The following ADD3 variants were observed in gnomAD, a reference collection of about 807,000 sequenced individuals.
The protein encoded by ADD3 is gamma-adducin.
ADD3 carries 25 observed loss-of-function variants against 80.2 expected under a neutral mutation model. The observed-to-expected ratio is 0.31, with a 90% CI of 0.23 to 0.44. The LOEUF is 0.44. Ranked by LOEUF, ADD3 falls within the 20% of genes least tolerant of loss-of-function variation. The probability of loss-of-function intolerance (pLI) is 1.00; values close to 1 mark genes in which losing one functional copy is unlikely to be tolerated. For missense variants in ADD3, 829 were observed against 847.5 expected, an observed-to-expected ratio of 0.98 and a Z score of 0.27; for synonymous variants, 284 against 289.6, an observed-to-expected ratio of 0.98 and a Z score of 0.20.
At chr10:110,050,893 T>TG (rs1857443896) in intron 1 of ADD3, among the ~76,000 whole-genome samples, 1 of 152,182 alleles carries the variant, frequency 6.6e-6, no homozygotes, top group South Asian at 2.1e-4. Context: ...TGCTCTCAAA[T>TG]GTGTTTGGAT....
intron 1 of ADD3, among the ~76,000 whole-genome samples, chr10:110,033,427 ATTGT>A (rs780462516): frequency 7.2e-5 from 11 of 152,320 alleles, no homozygotes; most frequent in South Asian, 2.1e-4. Context: ...TCGCCATACA[ATTGT>A]TTGGTTCTCA....
At chr10:110,016,853 AG>A (rs1853060749) in intron 1 of ADD3, among the ~76,000 whole-genome samples, 2 of 152,188 alleles carry the variant, frequency 1.3e-5, no homozygotes, top group Non-Finnish European at 2.9e-5. Flanking sequence ...TAGTAGAACT[AG>A]TTACAGGTCA....
intron 1 of ADD3, among the ~76,000 whole-genome samples, chr10:110,042,507 CA>C (rs900393739): frequency 6.6e-6 from 1 of 151,306 alleles, no homozygotes; most frequent in African/African-American, 2.4e-5. Context: ...ATCTTTTTAC[CA>C]AAAAAACAAC....
chr10:110,117,061 C>T (rs1299407440), intron 4 of ADD3, among the ~76,000 whole-genome samples: 3 of 152,090 alleles, frequency 2.0e-5, no homozygotes, highest in African/African-American at 4.8e-5. Context: ...ATAATATTAG[C>T]ATTTATTTTT....
chr10:110,062,502 C>G (rs1038709630), intron 1 of ADD3, among the ~76,000 whole-genome samples: 1 of 151,922 alleles, frequency 6.6e-6, no homozygotes, highest in Admixed American at 6.6e-5. Context: ...ATTGCTTGAG[C>G]CCAGGAGGTC....
At chr10:110,003,296 A>C (rs914006052), upstream of ADD3, among the ~76,000 whole-genome samples, 35 of 96,508 alleles carry the variant, frequency 3.6e-4, no homozygotes, top group East Asian at 4.2e-4. Flanking sequence ...AATTGGGAAC[A>C]GTAAGGGTGT....
chr10:110,021,267 T>C (rs1207760736), intron 1 of ADD3, among the ~76,000 whole-genome samples: 1 of 152,224 alleles, frequency 6.6e-6, no homozygotes, highest in East Asian at 1.9e-4. Flanking sequence ...ATAAAAATAG[T>C]GTTGTTACTG....
chr10:110,012,211 A>G (rs1194468204), intron 1 of ADD3, among the ~76,000 whole-genome samples: 1 of 152,206 alleles, frequency 6.6e-6, no homozygotes, highest in Non-Finnish European at 1.5e-5. Context: ...GCATAGAGTA[A>G]TACCTTTATG....
chr10:110,072,345 G>T (rs185649469), intron 1 of ADD3, among the ~76,000 whole-genome samples: 1 of 152,172 alleles, frequency 6.6e-6, no homozygotes, highest in Admixed American at 6.5e-5. Context: ...GATTACAGGC[G>T]TGAGCCACTG....
intron 1 of ADD3, among the ~76,000 whole-genome samples, chr10:110,053,817 G>A (rs1857807874): frequency 6.6e-6 from 1 of 152,156 alleles, no homozygotes; most frequent in Non-Finnish European, 1.5e-5. Flanking sequence ...TTTATGGAAG[G>A]CAATTTGTCA....
chr10:110,005,494 G>C (rs1851589133), upstream of ADD3, among the ~76,000 whole-genome samples: 2 of 152,084 alleles, frequency 1.3e-5, no homozygotes, highest in Admixed American at 6.5e-5. Context: ...TCACATAAAC[G>C]AGTTTTAATT....
chr10:110,086,044 G>T (rs1479583837), intron 1 of ADD3, among the ~76,000 whole-genome samples: 3 of 152,134 alleles, frequency 2.0e-5, no homozygotes, highest in Non-Finnish European at 4.4e-5. Flanking sequence ...GGCGGAAGTT[G>T]CAGTAAGCCG....
At chr10:110,113,974 G>T (rs1012256460) in intron 3 of ADD3, among the ~76,000 whole-genome samples, 5 of 152,204 alleles carry the variant, frequency 3.3e-5, no homozygotes, top group African/African-American at 1.2e-4. Flanking sequence ...GCTGACAAAA[G>T]ATTCCAAAGA....
intron 2 of ADD3, among the ~76,000 whole-genome samples, chr10:110,107,241 A>G (rs1006402377): frequency 2.0e-5 from 3 of 152,090 alleles, no homozygotes; most frequent in Non-Finnish European, 2.9e-5. Flanking sequence ...TTCACAGTGA[A>G]GTGTAGAAGA....
intron 1 of ADD3, chr10:109,996,590 G>A (rs1208143504): frequency 6.6e-6 from 1 of 152,134 alleles, no homozygotes; most frequent in Non-Finnish European, 1.5e-5. Flanking sequence ...GGCCAGAGAA[G>A]GAAATGAGAA....
At chr10:110,116,795 A>G (rs551567044) in intron 4 of ADD3, among the ~76,000 whole-genome samples, 5 of 152,350 alleles carry the variant, frequency 3.3e-5, no homozygotes, top group African/African-American at 1.2e-4. Flanking sequence ...TTTTTAAAAT[A>G]TATTCTTTCC....
chr10:110,124,213 T>C lies in ADD3; in HGVS notation c.1340T>C (p.Met447Thr), dbSNP rs142248857. Residue 447 changes from methionine (M) to threonine (T), a missense_variant, in exon 10 of 15, where the codon ATG becomes ACG. Transcript: ENST00000356080. ...TGGCTGAACTCACCAAATACTTACA[T>C]GAAAGTGAATGTGCCTGAGGAGTCT... ...TRWLNSPNTY[M>T]KVNVPEESRN... 3.1e-6 allele frequency: 5 copies of C among 1,614,072 alleles called. No homozygotes were observed. The highest frequency in any genetic ancestry group is 1.7e-5 in the Admixed American group (1 of 60,012).
In ADD3 at chr10:110,118,621, AG is replaced by A; in HGVS notation, c.605del (p.Gly202GlufsTer5). 6.2e-7 allele frequency: 1 copy of A among 1,614,032 alleles called. No homozygotes were observed. Among genetic ancestry groups the A allele is most frequent in the Non-Finnish European group, 8.5e-7 (1 of 1,179,878 alleles). On this transcript the variant is annotated frameshift_variant, in exon 6 of 15. Transcript: ENST00000356080. LOFTEE classifies it high-confidence loss of function. ...KVNIIGEVVD[Q>X]GSTNLKIDHT... ...AATATAATAGGAGAAGTGGTTGACC[AG>A]GGAAGTACCAATTTGAAAATTGACC... is the stretch of plus-strand genomic sequence containing the variant.
At chr10:110,114,682 A>G (rs1206770045) in intron 3 of ADD3, among the ~76,000 whole-genome samples, 1 of 152,224 alleles carries the variant, frequency 6.6e-6, no homozygotes, top group Non-Finnish European at 1.5e-5. Context: ...TATTAGAAGC[A>G]AAGTAAGGAG....
Sources: gnomAD v4.1 joint callset for allele counts (sites outside exome capture counted in the v4.1 genomes callset) on GRCh38, gnomAD v4.1.1 for gene constraint, MANE v1.5 for transcripts, NCBI Gene and HGNC (gene_info 2026-07-23, HGNC 2026-07-21) for gene names.